The following ST3GAL2 variants were observed in gnomAD, a reference collection of about 807,000 sequenced individuals.
The protein encoded by ST3GAL2 is CMP-N-acetylneuraminate-beta-galactosamide-alpha-2,3-sialyltransferase 2.
A neutral mutation model predicts 37.5 loss-of-function variants in ST3GAL2; 16 were observed. The ratio of observed to expected loss-of-function variants is 0.43; its 90% CI spans 0.29 to 0.65. The LOEUF is 0.65. Ranked by LOEUF, ST3GAL2 falls within the 30% of genes least tolerant of loss-of-function variation. The pLI, the probability that ST3GAL2 is intolerant of heterozygous loss-of-function variation, is 0.17. For synonymous variants in ST3GAL2, 238 were observed against 202.9 expected (o/e 1.17, Z -1.47); for missense variants, 383 against 487.8 (o/e 0.79, Z 2.02).
At chr16:70,383,013 C>CA (rs1446059040) in intron 5 of ST3GAL2, 89 bp from the exon 6 acceptor site, 1 of 1,586,174 alleles carries the variant, frequency 6.3e-7, no homozygotes, top group East Asian at 2.3e-5. Flanking sequence ...CTATGCCTGT[C>CA]AGAGACCTGT....
At chr16:70,417,698 G>A (rs1285200635) in intron 1 of ST3GAL2, among the ~76,000 whole-genome samples, 1 of 152,164 alleles carries the variant, frequency 6.6e-6, no homozygotes, top group African/African-American at 2.4e-5. Context: ...GAGAGAGGGG[G>A]ATGAACCCAA....
chr16:70,395,119 G>C lies in ST3GAL2; in HGVS notation c.396C>G (p.Phe132Leu). The C allele has an allele frequency of 6.2e-7, 1 of 1,613,558 alleles. No homozygotes were observed. Among genetic ancestry groups the C allele is most frequent in the Non-Finnish European group, 8.5e-7 (1 of 1,179,742 alleles). Residue 132 changes from phenylalanine (F) to leucine (L), a missense_variant, in exon 3 of 7, where the codon TTC becomes TTG. Physicochemically the swap from Phe to Leu is conservative, Grantham distance 22. This residue lies in a region of ST3GAL2 where 223 missense variants were observed against 239.1 expected (regional missense o/e 0.93). Coordinates refer to ENST00000342907, the MANE Select transcript of ST3GAL2 (RefSeq NM_006927.4). The part of the protein sequence containing the change: ...HNTNEVLEKL[F>L]QIVPGENPYR... ...AGGGGTTCTCGCCAGGCACTATCTG[G>C]AACAGCTTCTCCAGCACCTCATTGG...
At chr16:70,395,382 G>A (rs570975936) in intron 2 of ST3GAL2, among the ~76,000 whole-genome samples, 1 of 152,254 alleles carries the variant, frequency 6.6e-6, no homozygotes, top group Non-Finnish European at 1.5e-5. Flanking sequence ...CCGGTTGTGA[G>A]TGAGTCTCAA....
chr16:70,409,497 C>A (rs1020251358), intron 1 of ST3GAL2, among the ~76,000 whole-genome samples: 8 of 152,138 alleles, frequency 5.3e-5, no homozygotes, highest in African/African-American at 1.9e-4. Context: ...GCATGCGCCA[C>A]CATGCCTGGC....
At position 70,399,322 on chromosome 16, in the gene ST3GAL2, C is replaced by T; in HGVS notation, c.-792G>A. On this transcript the variant is annotated 5_prime_UTR_variant, in exon 2 of 7. Transcript: ENST00000342907. ...GGTCCTCTGGCGCTGGGAACAGCTGCTGTTCAGCGGGGCACTGTGTCCAAT... is the reference window on the plus strand; with the variant it reads ...GGTCCTCTGGCGCTGGGAACAGCTGTTGTTCAGCGGGGCACTGTGTCCAAT... 2.5e-6 allele frequency: 1 copy of T among 398,814 alleles called. No individual in the cohort carries two copies. The highest frequency in any genetic ancestry group is 4.4e-6 in the Non-Finnish European group (1 of 226,234). 24.7% of individuals were successfully genotyped at this position (398,814 alleles called of 1,614,324 possible).
chr16:70,428,150 A>C (rs1289277919), intron 1 of ST3GAL2, among the ~76,000 whole-genome samples: 1 of 152,236 alleles, frequency 6.6e-6, no homozygotes, highest in Non-Finnish European at 1.5e-5. Flanking sequence ...GGGAGGCTTC[A>C]AACTCCTGAG....
In ST3GAL2 at chr16:70,381,562, T is replaced by C. The variant is rs553082219; in HGVS notation, c.*127A>G. On this transcript the variant is annotated 3_prime_UTR_variant, in exon 7 of 7. Coordinates refer to ENST00000342907, the MANE Select transcript of ST3GAL2 (RefSeq NM_006927.4). ...AGGCCCGGCCGGTCCCCCAGTCTCG[T>C]GATTGGCGGGGCACAGCAGACGCCC... 8.5e-7 allele frequency: 1 copy of C among 1,176,524 alleles called. No individual in the cohort carries two copies. Among genetic ancestry groups the C allele is most frequent in the Admixed American group, 2.8e-5 (1 of 36,116 alleles). The allele number at this position is 1,176,524 out of a possible 1,614,324, so 72.9% of individuals were successfully genotyped here.
chr16:70,428,372 T>C (rs962056397), intron 1 of ST3GAL2, among the ~76,000 whole-genome samples: 1 of 152,256 alleles, frequency 6.6e-6, no homozygotes, highest in African/African-American at 2.4e-5. Flanking sequence ...GGCAGCTATC[T>C]GGGATTACAA....
At chr16:70,385,903 C>T (rs1469365380) in intron 4 of ST3GAL2, among the ~76,000 whole-genome samples, 3 of 151,846 alleles carry the variant, frequency 2.0e-5, no homozygotes, top group Non-Finnish European at 4.4e-5. Flanking sequence ...GACAGAGTTT[C>T]GCCATGTTGC....
chr16:70,418,739 G>A (rs184447891), intron 1 of ST3GAL2, among the ~76,000 whole-genome samples: 7 of 152,272 alleles, frequency 4.6e-5, no homozygotes, highest in Admixed American at 3.3e-4. Flanking sequence ...CAGGTTGGGG[G>A]TGAGAGGATT....
At chr16:70,434,584 CTGTT>C (rs1402687087) in intron 1 of ST3GAL2, among the ~76,000 whole-genome samples, 1 of 152,106 alleles carries the variant, frequency 6.6e-6, no homozygotes, top group East Asian at 1.9e-4. Flanking sequence ...CTCCTGCTGT[CTGTT>C]TGGGCACATC....
intron 1 of ST3GAL2, among the ~76,000 whole-genome samples, chr16:70,427,181 C>G (rs1449670420): frequency 6.6e-6 from 1 of 151,998 alleles, no homozygotes; most frequent in Admixed American, 6.6e-5. Flanking sequence ...ACAGTCACGC[C>G]CCTGAACACC....
rs2047376895 is a variant in ST3GAL2, at chr16:70,379,283, GACA to G, written c.*2403_*2405del. The G allele has an allele frequency of 6.6e-6, 1 of 152,208 alleles. No individual in the cohort carries two copies. The allele number at this position is 152,208 out of a possible 1,614,324, so 9.4% of individuals were successfully genotyped here. On this transcript the variant is annotated 3_prime_UTR_variant, in exon 7 of 7. Transcript: ENST00000342907. ...CTCTCCTGGAGGAAACTCAAGAGGC[GACA>G]ACGAGCTGATTTTTAACCAAAATGC...
chr16:70,401,248 G>A (rs557385076), intron 1 of ST3GAL2, among the ~76,000 whole-genome samples: 7 of 152,310 alleles, frequency 4.6e-5, no homozygotes. Context: ...TGGCACAGGA[G>A]GCTTCCAAAG....
At chr16:70,389,712 C>T (rs2047469575) in intron 3 of ST3GAL2, among the ~76,000 whole-genome samples, 1 of 152,232 alleles carries the variant, frequency 6.6e-6, no homozygotes. Context: ...GATGCGCCGG[C>T]CTCGGCCTCC....
At chr16:70,408,404 G>A (rs572679387) in intron 1 of ST3GAL2, among the ~76,000 whole-genome samples, 1 of 152,164 alleles carries the variant, frequency 6.6e-6, no homozygotes, top group South Asian at 2.1e-4. Flanking sequence ...AGCTGGGGCG[G>A]AGGGGTGGGG....
chr16:70,407,284 G>A (rs904107606), intron 1 of ST3GAL2, among the ~76,000 whole-genome samples: 4 of 152,010 alleles, frequency 2.6e-5, no homozygotes, highest in African/African-American at 7.2e-5. Context: ...GGCACTATAG[G>A]CCCGTGCCAC....
chr16:70,409,337 C>T (rs1007115398), intron 1 of ST3GAL2, among the ~76,000 whole-genome samples: 17 of 152,038 alleles, frequency 1.1e-4, no homozygotes, highest in African/African-American at 3.9e-4. Context: ...GCTAGCTTCC[C>T]GCCTCTGGCG....
chr16:70,414,967 G>A (rs1209455007), intron 1 of ST3GAL2, among the ~76,000 whole-genome samples: 3 of 152,174 alleles, frequency 2.0e-5, no homozygotes, highest in African/African-American at 4.8e-5. Context: ...TCCACCTCCC[G>A]GGTTCATGCC....
Sources: allele counts gnomAD v4.1 joint callset (sites outside exome capture counted in the v4.1 genomes callset), GRCh38; gene constraint gnomAD v4.1.1; regional missense constraint gnomAD v4.1.1; transcripts MANE v1.5; gene names NCBI Gene and HGNC (gene_info 2026-07-23, HGNC 2026-07-21).